Variants in PDE6A observed in about 807,000 individuals in gnomAD.
PDE6A encodes phosphodiesterase 6A.
A neutral mutation model predicts 106.3 loss-of-function variants in PDE6A; 84 were observed. The ratio of observed to expected loss-of-function variants is 0.79; its 90% CI spans 0.66 to 0.95. The LOEUF is 0.95. Ranked by LOEUF, PDE6A falls within the 40% of genes least tolerant of loss-of-function variation. The pLI is 0.00. For missense variants in PDE6A, 1,052 were observed against 1,084.9 expected, an observed-to-expected ratio of 0.97 and a Z score of 0.43; for synonymous variants, 394 against 386.6, an observed-to-expected ratio of 1.02 and a Z score of -0.23.
Position 149,899,362 on chromosome 5 carries a change from T to G in PDE6A, c.1263+13A>C, listed in dbSNP as rs766028239. On this transcript the variant is annotated intron_variant, in intron 9 of 21. Coordinates refer to ENST00000255266, the MANE Select transcript of PDE6A (RefSeq NM_000440.3). ...TGAATCCCAACAGCAAAAGGCCTCC[T>G]AGCAAGCCATACCTCCATGAGCGTC... The G allele has an allele frequency of 3.1e-6, 5 of 1,613,716 alleles. No individual in the cohort carries two copies. The highest frequency in any genetic ancestry group is 4.2e-6 in the Non-Finnish European group (5 of 1,179,858).
At chr5:149,865,781 A>G (rs1267370901) in intron 20 of PDE6A, among the ~76,000 whole-genome samples, 1 of 152,248 alleles carries the variant, frequency 6.6e-6, no homozygotes, top group Non-Finnish European at 1.5e-5. Flanking sequence ...GGGTTTCTCA[A>G]GAGGGAGACC....
chr5:149,888,755 G>T (rs1752418352), intron 13 of PDE6A, among the ~76,000 whole-genome samples: 1 of 151,938 alleles, frequency 6.6e-6, no homozygotes, highest in Non-Finnish European at 1.5e-5. Context: ...TAAATCTTGT[G>T]AAAGTAATTG....
intron 17 of PDE6A, among the ~76,000 whole-genome samples, chr5:149,876,251 A>G (rs1234834116): frequency 6.7e-6 from 1 of 150,154 alleles, no homozygotes; most frequent in Non-Finnish European, 1.5e-5. Context: ...TATTAACAAT[A>G]TAGGGTGGAT....
chr5:149,929,961 C>T (rs72830300), intron 4 of PDE6A, among the ~76,000 whole-genome samples: 22,518 of 152,012 alleles, frequency 0.15, 2,498 homozygotes, highest in African/African-American at 0.31. Flanking sequence ...CAGGTCTCAC[C>T]ATGCTGCCCA....
chr5:149,909,876 T>C (rs1753319265), intron 6 of PDE6A, among the ~76,000 whole-genome samples: 1 of 152,224 alleles, frequency 6.6e-6, no homozygotes, highest in African/African-American at 2.4e-5. Context: ...CCCAAGCATA[T>C]GAGAATTTCC....
At chr5:149,934,530 T>C in intron 2 of PDE6A, 36 bp downstream of exon 2, 3 of 1,609,528 alleles carry the variant, frequency 1.9e-6, no homozygotes, top group Non-Finnish European at 1.7e-6. Context: ...GAGAATGTGC[T>C]AGCATGGCTA....
intron 17 of PDE6A, 69 bp from the exon 18 acceptor site, chr5:149,868,227 T>G: frequency 6.9e-7 from 1 of 1,458,978 alleles, no homozygotes; most frequent in Non-Finnish European, 9.6e-7. Context: ...TAATTCCATC[T>G]CTCTCACCTT....
chr5:149,907,174 T>C, intron 7 of PDE6A, 138 bp downstream of exon 7: 1 of 777,408 alleles, frequency 1.3e-6, no homozygotes, highest in South Asian at 1.4e-5. Context: ...GCCAACTGAA[T>C]TGAGAGAAAC....
chr5:149,885,746 T>C (rs532461725), intron 14 of PDE6A, among the ~76,000 whole-genome samples: 100 of 152,326 alleles, frequency 6.6e-4, no homozygotes, highest in African/African-American at 2.2e-3. Context: ...CAATAAAATT[T>C]ATTATTTTAC....
At chr5:149,868,966 A>G (rs1760435176) in intron 17 of PDE6A, among the ~76,000 whole-genome samples, 2 of 152,216 alleles carry the variant, frequency 1.3e-5, no homozygotes, top group Admixed American at 6.5e-5. Flanking sequence ...TAAAAGGTAA[A>G]AAAAAGAAAA....
At chr5:149,889,875 C>T (rs1291444779) in intron 13 of PDE6A, among the ~76,000 whole-genome samples, 1 of 148,436 alleles carries the variant, frequency 6.7e-6, no homozygotes, top group South Asian at 2.2e-4. Context: ...CCACTGCACT[C>T]CAGCCTGGGT....
chr5:149,917,225 C>T (rs1288772891), intron 5 of PDE6A, among the ~76,000 whole-genome samples: 1 of 151,962 alleles, frequency 6.6e-6, no homozygotes, highest in African/African-American at 2.4e-5. Flanking sequence ...GTGACTCACT[C>T]TCTTGAGTAT....
At chr5:149,894,373 T>C (rs1752653558) in intron 13 of PDE6A, among the ~76,000 whole-genome samples, 1 of 152,072 alleles carries the variant, frequency 6.6e-6, no homozygotes. Context: ...AAAGAACACA[T>C]GATGTGTTTA....
In PDE6A at chr5:149,944,455, C is replaced by T; in HGVS notation, c.219G>A (p.Gln73=). 1 of 1,614,112 alleles carries T rather than the reference C, an allele frequency of 6.2e-7. No homozygotes were observed. Among genetic ancestry groups the T allele is most frequent in the African/African-American group, 1.3e-5 (1 of 75,012 alleles). Reference sequence around the variant, plus strand: ...TGACATTGAAGATGCATTTCTCTGTCTGTAAATTCTCCTGAAAGTCCCGCA... The same window carrying T: ...TGACATTGAAGATGCATTTCTCTGTTTGTAAATTCTCCTGAAAGTCCCGCA... The part of the protein sequence containing the change: ...DLLRDFQENL[Q]TEKCIFNVMK... The change falls in exon 1 of 22, where the codon CAG becomes CAA. Residue 73 remains glutamine (Q), a synonymous_variant. Transcript: ENST00000255266.
rs369024435 is a variant in PDE6A at position 149,895,261 on chromosome 5, A to G, written c.1650T>C (p.Ser550=). The change falls in exon 13 of 22, where the codon AGT becomes AGC. Residue 550 remains serine (S), a synonymous_variant. Transcript: ENST00000255266. The stretch of plus-strand genomic sequence containing the variant: ...GGTAGGTGATCTTGCGGTAGCCCTT[A>G]CTCAGGGAGTACATGAACCGCACCA... ...EALVRFMYSL[S]KGYRKITYHN... The G allele has an allele frequency of 6.2e-6, 10 of 1,613,838 alleles. No individual in the cohort carries two copies. Among genetic ancestry groups the G allele is most frequent in the Non-Finnish European group, 8.5e-6 (10 of 1,179,792 alleles).
intron 5 of PDE6A, among the ~76,000 whole-genome samples, chr5:149,917,383 A>G (rs937878920): frequency 1.3e-5 from 2 of 152,208 alleles, no homozygotes; most frequent in South Asian, 2.1e-4. Flanking sequence ...CCTGGGCTCC[A>G]CCCCAAGCCT....
At chr5:149,916,906 G>A (rs1367171822) in intron 5 of PDE6A, among the ~76,000 whole-genome samples, 3 of 152,164 alleles carry the variant, frequency 2.0e-5, no homozygotes, top group Non-Finnish European at 4.4e-5. Flanking sequence ...TGCTCAGAGT[G>A]TAATCCCTGG....
At chr5:149,892,924 A>G (rs1160024424) in intron 13 of PDE6A, among the ~76,000 whole-genome samples, 1 of 152,240 alleles carries the variant, frequency 6.6e-6, no homozygotes, top group Non-Finnish European at 1.5e-5. Flanking sequence ...GGTATTCTCA[A>G]TTGATGGCAA....
At chr5:149,907,284 T>G (rs376935506) in intron 7 of PDE6A, 28 bp downstream of exon 7, 4 of 1,544,998 alleles carry the variant, frequency 2.6e-6, no homozygotes, top group African/African-American at 1.4e-5. Flanking sequence ...GATCCAAAAC[T>G]CTCCCCCTTC....
Sources: allele counts gnomAD v4.1 joint callset (sites outside exome capture counted in the v4.1 genomes callset), GRCh38; gene constraint gnomAD v4.1.1; transcripts MANE v1.5; gene names NCBI Gene and HGNC (gene_info 2026-07-23, HGNC 2026-07-21).